The following ATP8B2 variants were observed in gnomAD, a reference collection of about 807,000 sequenced individuals.
The protein encoded by ATP8B2 is phospholipid-transporting ATPase ID.
A neutral mutation model predicts 133.4 loss-of-function variants in ATP8B2; 70 were observed. That is an observed-to-expected ratio of 0.52 (90% CI 0.43 to 0.64). The LOEUF (loss-of-function observed/expected upper bound fraction) is 0.64. Ranked by LOEUF, ATP8B2 falls within the 30% of genes least tolerant of loss-of-function variation. ATP8B2 has a pLI of 0.00. For missense variants in ATP8B2, 1,101 were observed against 1,535.7 expected (o/e 0.72, Z 4.73); for synonymous variants, 517 against 589.5 (o/e 0.88, Z 1.78).
At position 154,349,216 on chromosome 1, in the gene ATP8B2, G is replaced by A; in HGVS notation, c.*98G>A. The A allele has an allele frequency of 6.9e-7, 1 of 1,441,892 alleles. No homozygotes were observed. Among genetic ancestry groups the A allele is most frequent in the Non-Finnish European group, 9.4e-7 (1 of 1,067,940 alleles). The allele number at this position is 1,441,892 out of a possible 1,614,324, so 89.3% of individuals were successfully genotyped here. On this transcript the variant is annotated 3_prime_UTR_variant, in exon 28 of 28. Transcript: ENST00000368489. Reference sequence around the variant, plus strand: ...TCGGAACTGCTGGTCCTCATTCCTTGCTTCCCGTCCCCCCGGTAGACTCTG... The same window carrying A: ...TCGGAACTGCTGGTCCTCATTCCTTACTTCCCGTCCCCCCGGTAGACTCTG...
Position 154,343,631 on chromosome 1 carries a change from TTAAG to T in ATP8B2, c.1758+65_1758+68del. The T allele has an allele frequency of 6.8e-7, 1 of 1,463,438 alleles. No homozygotes were observed. The highest frequency in any genetic ancestry group is 9.5e-7 in the Non-Finnish European group (1 of 1,048,474). The allele number at this position is 1,463,438 out of a possible 1,614,324, so 90.7% of individuals were successfully genotyped here. On this transcript the variant is annotated intron_variant, in intron 17 of 27. Coordinates refer to ENST00000368489, the MANE Select transcript of ATP8B2 (RefSeq NM_001370597.1). The surrounding 1 kb of genome is among the most constrained non-coding windows in gnomAD (Gnocchi z 5.8). ...CTACTCTTAGTGTGGGGGAGGCGAC[TTAAG>T]TTTGTTTTATTGTGTAAATTTAAGG...
intron 9 of ATP8B2, among the ~76,000 whole-genome samples, chr1:154,333,445 A>G (rs1044072657): frequency 6.6e-6 from 1 of 151,168 alleles, no homozygotes; most frequent in African/African-American, 2.4e-5. Flanking sequence ...TGGAGGTTGC[A>G]GTGAGCCGAG....
Position 154,343,012 on chromosome 1 carries a change from C to T in ATP8B2, c.1453+51C>T, listed in dbSNP as rs757611788. ...CTCCTGACCTGACTCTGCCCTTGGG[C>T]TCTGCTCTGCTCTGCAATGCGGCTG... On this transcript the variant is annotated intron_variant, in intron 15 of 27. Coordinates refer to ENST00000368489, the MANE Select transcript of ATP8B2 (RefSeq NM_001370597.1). The surrounding 1 kb of genome is among the most constrained non-coding windows in gnomAD (Gnocchi z 5.8). The T allele has an allele frequency of 6.9e-6, 11 of 1,599,984 alleles. No homozygotes were observed. The highest frequency in any genetic ancestry group is 1.7e-4 in the Middle Eastern group (1 of 5,870).
intron 8 of ATP8B2, 101 bp from the exon 9 acceptor site, chr1:154,332,517 G>A (rs745314468): frequency 2.8e-5 from 25 of 895,298 alleles, no homozygotes; most frequent in Non-Finnish European, 3.4e-5. Flanking sequence ...ATGATTGTGC[G>A]ACTGCACTCC....
In ATP8B2 at chr1:154,350,112, C is replaced by T. The variant is rs1342779334; in HGVS notation, c.*994C>T. ...TTTTGAGATGGAGTCTCACTCTTGT[C>T]ACCTAGGCAAGAGTGCAATGGCACA... is the stretch of plus-strand genomic sequence containing the variant. On this transcript the variant is annotated 3_prime_UTR_variant, in exon 28 of 28. Coordinates refer to ENST00000368489, the MANE Select transcript of ATP8B2 (RefSeq NM_001370597.1). 1 of 149,532 alleles carries T rather than the reference C, an allele frequency of 6.7e-6. No individual in the cohort carries two copies. Among genetic ancestry groups the T allele is most frequent in the Non-Finnish European group, 1.5e-5 (1 of 67,576 alleles). The allele number at this position is 149,532 out of a possible 1,614,324, so 9.3% of individuals were successfully genotyped here.
chr1:154,350,406 C>T lies in ATP8B2; in HGVS notation c.*1288C>T, dbSNP rs1265908922. 3 of 152,146 alleles carry T rather than the reference C, an allele frequency of 2.0e-5. No homozygotes were observed. Among genetic ancestry groups the T allele is most frequent in the Admixed American group, 1.3e-4 (2 of 15,258 alleles). 9.4% of individuals were successfully genotyped at this position (152,146 alleles called of 1,614,324 possible). A position where few individuals can be genotyped will look rare whatever the true frequency, so the allele number is the denominator to read the frequency against. ...GTTTTCTTTAATTTTAAATTTAAAC[C>T]CAAGTTTATTGGCAGACTCCCTTTT... On this transcript the variant is annotated 3_prime_UTR_variant, in exon 28 of 28. Coordinates refer to ENST00000368489, the MANE Select transcript of ATP8B2 (RefSeq NM_001370597.1).
chr1:154,346,518 T>G lies in ATP8B2; in HGVS notation c.3024+42T>G. ...GAACTCCCCTCTTCTCTGGAAGGAG[T>G]GAGCCTTCTGTCCCTGGGGCTGCCC... On this transcript the variant is annotated intron_variant, in intron 25 of 27. Transcript: ENST00000368489. This position sits in a 1 kb window ranked among gnomAD's most constrained non-coding sequence, Gnocchi z 4.5. 6.2e-7 allele frequency: 1 copy of G among 1,604,274 alleles called. No individual in the cohort carries two copies. The highest frequency in any genetic ancestry group is 2.2e-5 in the East Asian group (1 of 44,738).
chr1:154,338,078 G>A (rs1384639148), intron 12 of ATP8B2, among the ~76,000 whole-genome samples: 1 of 152,214 alleles, frequency 6.6e-6, no homozygotes, highest in East Asian at 1.9e-4. Context: ...GAGGCACAGG[G>A]TGCCCGGGGA....
Position 154,344,247 on chromosome 1 carries a change from C to A in ATP8B2, c.2028C>A (p.Asp676Glu). ...ANIKIWVLTG[D>E]KQETAVNIGY... Reference sequence around the variant, plus strand: ...TCAAGATTTGGGTGCTAACCGGAGACAAGCAAGGTGAGAGCCCAGCAGGGC... The same window carrying A: ...TCAAGATTTGGGTGCTAACCGGAGAAAAGCAAGGTGAGAGCCCAGCAGGGC... The change falls in exon 19 of 28, where the codon GAC becomes GAA. Residue 676 changes from aspartate (D) to glutamate (E), a missense_variant. Coordinates refer to ENST00000368489, the MANE Select transcript of ATP8B2 (RefSeq NM_001370597.1). The surrounding 1 kb of genome is among the most constrained non-coding windows in gnomAD (Gnocchi z 4.1). 6.2e-7 allele frequency: 1 copy of A among 1,614,232 alleles called. No individual in the cohort carries two copies. Among genetic ancestry groups the A allele is most frequent in the South Asian group, 1.1e-5 (1 of 91,080 alleles).
Position 154,349,289 on chromosome 1 carries a change from A to G in ATP8B2, c.*171A>G. ...GGCTGGGACATCTGTTCCCAGCTGT[A>G]GGCCCTTCCACCAGCTGGGGAGCTA... On this transcript the variant is annotated 3_prime_UTR_variant, in exon 28 of 28. Transcript: ENST00000368489. The G allele has an allele frequency of 1.1e-6, 1 of 931,796 alleles. No individual in the cohort carries two copies. The highest frequency in any genetic ancestry group is 1.7e-5 in the South Asian group (1 of 57,254). The allele number at this position is 931,796 out of a possible 1,614,324, so 57.7% of individuals were successfully genotyped here. A position where few individuals can be genotyped will look rare whatever the true frequency, so the allele number is the denominator to read the frequency against.
chr1:154,336,451 G>GAA (rs11371032), intron 11 of ATP8B2, among the ~76,000 whole-genome samples: 49 of 145,454 alleles, frequency 3.4e-4, no homozygotes, highest in South Asian at 1.9e-3. Flanking sequence ...GATAAGCTTA[G>GAA]AAAAAAAAAA....
intron 12 of ATP8B2, among the ~76,000 whole-genome samples, chr1:154,339,214 AT>A (rs1215064313): frequency 4.6e-5 from 7 of 152,334 alleles, no homozygotes; most frequent in Non-Finnish European, 1.0e-4. Context: ...CTGAGAGAAT[AT>A]AGTTTAGGCT....
chr1:154,338,725 A>G (rs953215804), intron 12 of ATP8B2: 1 of 152,248 alleles, frequency 6.6e-6, no homozygotes, highest in Non-Finnish European at 1.5e-5. Flanking sequence ...TGTATTCTGT[A>G]TTCTAAAAAT....
At position 154,345,070 on chromosome 1, in the gene ATP8B2, C is replaced by CAGGT; in HGVS notation, c.2387_2390dup (p.Val798GlyfsTer22). The CAGGT allele has an allele frequency of 6.2e-7, 1 of 1,614,178 alleles. No individual in the cohort carries two copies. The highest frequency in any genetic ancestry group is 1.1e-5 in the South Asian group (1 of 91,084). On this transcript the variant is annotated frameshift_variant, in exon 22 of 28. Transcript: ENST00000368489. LOFTEE classifies it high-confidence loss of function. The surrounding 1 kb of genome is among the most constrained non-coding windows in gnomAD (Gnocchi z 5.6). The stretch of plus-strand genomic sequence containing the variant: ...CCGGGTGACCCCCTTGCAGAAGGCA[C>CAGGT]AGGTGGTAGAACTGGTCAAGAAGTA...
At chr1:154,333,659 TTTTTA>T (rs1202313578) in intron 9 of ATP8B2, among the ~76,000 whole-genome samples, 4 of 135,598 alleles carry the variant, frequency 2.9e-5, no homozygotes, top group African/African-American at 1.1e-4. Flanking sequence ...TTTTTTTTTT[TTTTTA>T]AATACTCCTG....
At position 154,328,090 on chromosome 1, in the gene ATP8B2, T is replaced by C; in HGVS notation, c.-37-15T>C. 6.2e-7 allele frequency: 1 copy of C among 1,613,610 alleles called. No homozygotes were observed. Among genetic ancestry groups the C allele is most frequent in the Non-Finnish European group, 8.5e-7 (1 of 1,179,514 alleles). On this transcript the variant is annotated splice_polypyrimidine_tract_variant and intron_variant, in intron 1 of 27. Transcript: ENST00000368489. This position sits in a 1 kb window ranked among gnomAD's most constrained non-coding sequence, Gnocchi z 4.6. ...CCTCAGCTTCCTGACCTCATTCGTC[T>C]GTCACTTCTTGCAGGGTCTCCCATG...
chr1:154,328,687 G>A lies in ATP8B2; in HGVS notation c.31+515G>A. ...GCGCTGGCAGGCTGCGGCTCCTGCA[G>A]TCGGGGAGCGGGCGGGGGCGGAACC... is the stretch of plus-strand genomic sequence containing the variant. On this transcript the variant is annotated intron_variant, in intron 2 of 27. Coordinates refer to ENST00000368489, the MANE Select transcript of ATP8B2 (RefSeq NM_001370597.1). The surrounding 1 kb of genome is among the most constrained non-coding windows in gnomAD (Gnocchi z 4.6). 1 of 742,214 alleles carries A rather than the reference G, an allele frequency of 1.3e-6. No homozygotes were observed. The highest frequency in any genetic ancestry group is 1.6e-6 in the Non-Finnish European group (1 of 606,370). 46.0% of individuals were successfully genotyped at this position (742,214 alleles called of 1,614,324 possible).
Position 154,343,771 on chromosome 1 carries a change from A to G in ATP8B2, c.1759-122A>G. The G allele has an allele frequency of 1.6e-6, 2 of 1,232,918 alleles. No individual in the cohort carries two copies. Among genetic ancestry groups the G allele is most frequent in the Non-Finnish European group, 2.2e-6 (2 of 890,078 alleles). 76.4% of individuals were successfully genotyped at this position (1,232,918 alleles called of 1,614,324 possible). ...TACCTCTTTTTATGTATGTGGTGAC[A>G]GTCCCTAACTGTGGAATGTGGCACA... On this transcript the variant is annotated intron_variant, in intron 17 of 27. Coordinates refer to ENST00000368489, the MANE Select transcript of ATP8B2 (RefSeq NM_001370597.1). This position sits in a 1 kb window ranked among gnomAD's most constrained non-coding sequence, Gnocchi z 5.8.
chr1:154,337,340 C>T lies in ATP8B2; in HGVS notation c.838-8C>T. The stretch of plus-strand genomic sequence containing the variant: ...TCAGCCTCGCCTGTGCTTCTCATTC[C>T]TCCCCAGATTTTTGGATTCCTGGTT... On this transcript the variant is annotated splice_region_variant and splice_polypyrimidine_tract_variant and intron_variant, in intron 11 of 27. Coordinates refer to ENST00000368489, the MANE Select transcript of ATP8B2 (RefSeq NM_001370597.1). The T allele has an allele frequency of 6.2e-7, 1 of 1,608,514 alleles. No individual in the cohort carries two copies. Among genetic ancestry groups the T allele is most frequent in the East Asian group, 2.2e-5 (1 of 44,786 alleles).
Sources: gnomAD v4.1 joint callset for allele counts (sites outside exome capture counted in the v4.1 genomes callset) on GRCh38, gnomAD v4.1.1 for gene constraint, Gnocchi (gnomAD v3.1) non-coding constraint, MANE v1.5 for transcripts, NCBI Gene and HGNC (gene_info 2026-07-23, HGNC 2026-07-21) for gene names.